PDZD2: variants seen among roughly 807,000 people sequenced by gnomAD.
PDZD2 encodes the protein PDZ domain-containing protein 2.
Under a neutral mutation model 220.7 loss-of-function variants are expected in PDZD2, and 90 were observed. The ratio of observed to expected loss-of-function variants is 0.41; its 90% CI spans 0.34 to 0.49. PDZD2 has a LOEUF of 0.49. Ranked by LOEUF, PDZD2 falls within the 20% of genes least tolerant of loss-of-function variation. The pLI is 0.28. For missense variants in PDZD2, 3,174 were observed against 3,608.5 expected, an observed-to-expected ratio of 0.88 and a Z score of 3.08; for synonymous variants, 1,375 against 1,450.5, an observed-to-expected ratio of 0.95 and a Z score of 1.18.
rs182879764 is a variant in PDZD2, at chr5:31,729,282, C to T, written c.-360-69607C>T. ...CGGCTAATTTTTGTATTTTTAGTAG[C>T]GACGGGGTTTCACCATGTTGGTTAG... is the stretch of plus-strand genomic sequence containing the variant. On this transcript the variant is annotated intron_variant, in intron 1 of 24. Coordinates refer to ENST00000438447, the MANE Select transcript of PDZD2 (RefSeq NM_178140.4). Among the ~76,000 whole-genome samples, 798 of 151,556 alleles carry T rather than the reference C, an allele frequency of 5.3e-3. 12 individuals are homozygous for T. The highest frequency in any genetic ancestry group is 0.018 in the African/African-American group (761 of 41,310).
intron 2 of PDZD2, among the ~76,000 whole-genome samples, chr5:31,817,739 C>T (rs985643586): frequency 1.8e-4 from 28 of 152,114 alleles, no homozygotes; most frequent in Non-Finnish European, 3.7e-4. Context: ...TCTCGGCTCA[C>T]TGCAGCCTCT....
In PDZD2 at chr5:31,690,402, C is replaced by T. The variant is rs117748832; in HGVS notation, c.-361+50965C>T. Among the ~76,000 whole-genome samples, 4 of 152,188 alleles carry T rather than the reference C, an allele frequency of 2.6e-5. No homozygotes were observed. In the East Asian group the frequency reaches 7.7e-4, roughly 29 times the overall value. On this transcript the variant is annotated intron_variant, in intron 1 of 24. Coordinates refer to ENST00000438447, the MANE Select transcript of PDZD2 (RefSeq NM_178140.4). ...CGAGGATGATGGTCAGGATGGTGTC[C>T]TGGGCATTTGTGTCCTGGAGCTGCA...
chr5:32,076,210 CGGG>C (rs1277600535), intron 18 of PDZD2, among the ~76,000 whole-genome samples: 47 of 143,772 alleles, frequency 3.3e-4, no homozygotes, highest in African/African-American at 1.2e-3. Context: ...CTCTTGAACT[CGGG>C]AGGTGGTGGT....
Position 32,072,075 on chromosome 5 carries a change from G to A in PDZD2, c.2569-86G>A, listed in dbSNP as rs1262089257. ...AAGTGACCGTTGATTAGAACGAAGT[G>A]TTCTTGGAAAGATAGGACGTAATAA... On this transcript the variant is annotated intron_variant, in intron 16 of 24. Transcript: ENST00000438447. 9 of 942,462 alleles carry A rather than the reference G, an allele frequency of 9.5e-6. No homozygotes were observed. The East Asian group carries it at 1.9e-4, about 20-fold the overall frequency. 58.4% of individuals were successfully genotyped at this position (942,462 alleles called of 1,614,324 possible). A position where few individuals can be genotyped will look rare whatever the true frequency, so the allele number is the denominator to read the frequency against.
intron 1 of PDZD2, among the ~76,000 whole-genome samples, chr5:31,773,639 G>C (rs1752466674): frequency 6.6e-6 from 1 of 152,156 alleles, no homozygotes; most frequent in Non-Finnish European, 1.5e-5. Context: ...GACAGAGCAA[G>C]ACTCTGTCTC....
At chr5:31,920,289 TAAATAA>T (rs1340315719) in intron 2 of PDZD2, among the ~76,000 whole-genome samples, 3 of 84,020 alleles carry the variant, frequency 3.6e-5, no homozygotes, top group Non-Finnish European at 1.1e-4. Context: ...GTTTCAAAAA[TAAATAA>T]AAATAAATAA....
In PDZD2 at chr5:31,719,742, AT is replaced by A. The variant is rs933373121; in HGVS notation, c.-360-79138del. Among the ~76,000 whole-genome samples, 22 of 151,146 alleles carry A rather than the reference AT, an allele frequency of 1.5e-4. No homozygotes were observed. The East Asian group carries it at 3.1e-3, about 21-fold the overall frequency. On this transcript the variant is annotated intron_variant, in intron 1 of 24. Transcript: ENST00000438447. ...CATTTACAGTCTAGCTTCTCCATCC[AT>A]TTTTTTTTCATTTAGTCATTTAATC...
At chr5:31,688,502 T>G (rs2150126656) in intron 1 of PDZD2, among the ~76,000 whole-genome samples, 1 of 152,328 alleles carries the variant, frequency 6.6e-6, no homozygotes, top group South Asian at 2.1e-4. Flanking sequence ...TTTCCCCCTC[T>G]GTGGCAAAAC....
At chr5:31,974,625 G>A (rs1312106782) in intron 2 of PDZD2, among the ~76,000 whole-genome samples, 2 of 152,170 alleles carry the variant, frequency 1.3e-5, no homozygotes, top group South Asian at 2.1e-4. Flanking sequence ...GATGAAAAAC[G>A]TTCATTACTG....
At chr5:32,101,031 A>T in intron 23 of PDZD2, 74 bp from the exon 24 acceptor site, 1 of 1,596,766 alleles carries the variant, frequency 6.3e-7, no homozygotes, top group Non-Finnish European at 8.6e-7. Flanking sequence ...GAGGCGATGC[A>T]TCCTGGGGGA....
chr5:31,967,647 C>G (rs1748876742), intron 2 of PDZD2, among the ~76,000 whole-genome samples: 1 of 152,182 alleles, frequency 6.6e-6, no homozygotes, highest in Non-Finnish European at 1.5e-5. Context: ...TAGCCTCTTC[C>G]AAGGCAAGGC....
At chr5:31,841,810 A>C (rs1198345557) in intron 2 of PDZD2, among the ~76,000 whole-genome samples, 1 of 151,806 alleles carries the variant, frequency 6.6e-6, no homozygotes, top group Non-Finnish European at 1.5e-5. Flanking sequence ...ATCTCTACTA[A>C]AAATACAAAA....
At chr5:32,037,192 C>A in intron 6 of PDZD2, 39 bp from the exon 7 acceptor site, 1 of 1,306,132 alleles carries the variant, frequency 7.7e-7, no homozygotes, top group Non-Finnish European at 1.1e-6. Flanking sequence ...CATCGCAGGG[C>A]TGGGCTCTCC....
chr5:31,725,179 C>CA (rs565400503), intron 1 of PDZD2, among the ~76,000 whole-genome samples: 5 of 150,330 alleles, frequency 3.3e-5, no homozygotes, highest in Non-Finnish European at 5.9e-5. Flanking sequence ...AAAAATACAA[C>CA]AAAAAAAAAT....
intron 1 of PDZD2, among the ~76,000 whole-genome samples, chr5:31,739,637 C>T (rs1750131753): frequency 6.6e-6 from 1 of 152,212 alleles, no homozygotes; most frequent in African/African-American, 2.4e-5. Context: ...CTATTGTAAG[C>T]CATGATACCA....
intron 1 of PDZD2, among the ~76,000 whole-genome samples, chr5:31,697,304 A>G (rs56344537): frequency 0.14 from 21,191 of 152,102 alleles, 1,566 homozygotes; most frequent in East Asian, 0.24. Flanking sequence ...CTCTACTAAA[A>G]ATACAAAAAT....
intron 7 of PDZD2, among the ~76,000 whole-genome samples, chr5:32,043,454 A>T (rs551867572): frequency 4.1e-4 from 62 of 152,332 alleles, no homozygotes; most frequent in African/African-American, 1.5e-3. Context: ...TTATCCGTAA[A>T]ATGAGGGTTA....
At chr5:31,935,446 A>AT (rs1249157125) in intron 2 of PDZD2, among the ~76,000 whole-genome samples, 6 of 152,134 alleles carry the variant, frequency 3.9e-5, no homozygotes, top group Non-Finnish European at 7.4e-5. Flanking sequence ...AAAGTTGAGG[A>AT]TTTTTTCAGC....
At chr5:31,693,326 C>T (rs1747223460) in intron 1 of PDZD2, among the ~76,000 whole-genome samples, 1 of 149,350 alleles carries the variant, frequency 6.7e-6, no homozygotes, top group Admixed American at 6.8e-5. Flanking sequence ...ACTGCAACCT[C>T]CGCCTCCCGG....
Sources: allele counts gnomAD v4.1 joint callset (sites outside exome capture counted in the v4.1 genomes callset), GRCh38; gene constraint gnomAD v4.1.1; transcripts MANE v1.5; gene names NCBI Gene and HGNC (gene_info 2026-07-23, HGNC 2026-07-21).